The following SPARC variants were observed in gnomAD, a reference collection of about 807,000 sequenced individuals.
SPARC encodes secreted protein acidic and cysteine rich.
A neutral mutation model predicts 37.7 loss-of-function variants in SPARC; 23 were observed. The observed-to-expected ratio is 0.61, with a 90% CI of 0.44 to 0.87. The LOEUF (loss-of-function observed/expected upper bound fraction) is 0.87. Among genes scored for constraint, SPARC ranks in the 40% least tolerant of loss-of-function variants. The pLI, the probability that SPARC is intolerant of heterozygous loss-of-function variation, is 0.00. For synonymous variants in SPARC, 155 were observed against 150.8 expected (o/e 1.03, Z -0.20); for missense variants, 312 against 389.0 (o/e 0.80, Z 1.66).
chr5:151,668,237 C>T (rs1267778347), intron 6 of SPARC, among the ~76,000 whole-genome samples: 2 of 151,518 alleles, frequency 1.3e-5, no homozygotes, highest in Non-Finnish European at 2.9e-5. Context: ...ACTGCAGCCT[C>T]AGCCTCCTGG....
intron 7 of SPARC, 142 bp downstream of exon 7, chr5:151,667,325 G>A (rs1760645206): frequency 3.4e-6 from 3 of 882,408 alleles, no homozygotes; most frequent in Non-Finnish European, 3.6e-6. Context: ...TCCAAAGGCA[G>A]GAAGAGAAGT....
intron 3 of SPARC, among the ~76,000 whole-genome samples, chr5:151,673,576 A>G (rs1229586597): frequency 6.6e-6 from 1 of 152,162 alleles, no homozygotes; most frequent in Non-Finnish European, 1.5e-5. Flanking sequence ...CCTCTCCCCT[A>G]TTGTTTATGT....
chr5:151,667,484 C>T lies in SPARC; in HGVS notation c.568G>A (p.Glu190Lys). Reference protein sequence around the residue: ...ERDEDNNLLTEKQKLRVKKIH... With the variant: ...ERDEDNNLLTKKQKLRVKKIH... Reference sequence around the variant, plus strand: ...CCACTTACCCGCAGCTTCTGCTTCTCAGTCAGAAGGTTGTTGTCCTCATCC... The same window carrying T: ...CCACTTACCCGCAGCTTCTGCTTCTTAGTCAGAAGGTTGTTGTCCTCATCC... The change falls in exon 7 of 10, where the codon GAG becomes AAG. Residue 190 changes from glutamate (E) to lysine (K), a missense_variant. Transcript: ENST00000231061. 6.2e-7 allele frequency: 1 copy of T among 1,614,234 alleles called. No individual in the cohort carries two copies. Among genetic ancestry groups the T allele is most frequent in the Non-Finnish European group, 8.5e-7 (1 of 1,180,030 alleles).
chr5:151,684,383 T>A (rs1761079477), intron 1 of SPARC, among the ~76,000 whole-genome samples: 1 of 151,898 alleles, frequency 6.6e-6, no homozygotes, highest in South Asian at 2.1e-4. Flanking sequence ...GAAGTGTCTT[T>A]CCCAATGTCA....
At chr5:151,666,035 A>G (rs1181651831) in intron 8 of SPARC, among the ~76,000 whole-genome samples, 1 of 152,108 alleles carries the variant, frequency 6.6e-6, no homozygotes, top group Non-Finnish European at 1.5e-5. Flanking sequence ...GGCTGACCCA[A>G]CCTTGTCCCC....
chr5:151,667,164 T>C (rs575360053), intron 7 of SPARC, among the ~76,000 whole-genome samples: 1 of 152,338 alleles, frequency 6.6e-6, no homozygotes, highest in African/African-American at 2.4e-5. Context: ...GTAGTTAATA[T>C]GCTCATTAAA....
chr5:151,666,298 C>G, intron 8 of SPARC, 63 bp downstream of exon 8: 2 of 1,545,400 alleles, frequency 1.3e-6, no homozygotes, highest in Non-Finnish European at 8.8e-7. Context: ...GAGAGGCTTT[C>G]TGGCCATAGC....
intron 8 of SPARC, among the ~76,000 whole-genome samples, chr5:151,665,701 C>A (rs1290665314): frequency 6.6e-6 from 1 of 152,222 alleles, no homozygotes; most frequent in African/African-American, 2.4e-5. Flanking sequence ...GAGTATAAGT[C>A]CATGAGGGCA....
chr5:151,686,265 G>A (rs1761136740), intron 1 of SPARC: 1 of 152,266 alleles, frequency 6.6e-6, no homozygotes, highest in African/African-American at 2.4e-5. Context: ...GAATGGTGCT[G>A]AAATTTGTGT....
At position 151,664,144 on chromosome 5, in the gene SPARC, C is replaced by T. The variant is rs755900429; in HGVS notation, c.826G>A (p.Asp276Asn). Residue 276 changes from aspartate (D) to asparagine (N), a missense_variant, in exon 9 of 10, where the codon GAC (aspartate) becomes AAC (asparagine). Transcript: ENST00000231061. ...TTRFFETCDL[D>N]NDKYIALDEW... Reference sequence around the variant, plus strand: ...TCCAGGGCGATGTACTTGTCATTGTCCAGGTCACAGGTCTCGAAAAAGCGG... The same window carrying T: ...TCCAGGGCGATGTACTTGTCATTGTTCAGGTCACAGGTCTCGAAAAAGCGG... 21 of 1,614,086 alleles carry T rather than the reference C, an allele frequency of 1.3e-5. No homozygotes were observed. The Admixed American group carries it at 3.0e-4, about 23-fold the overall frequency.
chr5:151,673,270 A>T, intron 3 of SPARC, 54 bp from the exon 4 acceptor site: 1 of 1,247,616 alleles, frequency 8.0e-7, no homozygotes, highest in Non-Finnish European at 1.2e-6. Context: ...TCCCAGACCC[A>T]TAAGGGTAGC....
chr5:151,673,704 C>T (rs941114637), intron 3 of SPARC, among the ~76,000 whole-genome samples: 2 of 152,220 alleles, frequency 1.3e-5, no homozygotes, highest in Non-Finnish European at 2.9e-5. Context: ...GCCCTCACTT[C>T]TCAAGTTGTC....
intron 1 of SPARC, chr5:151,679,152 T>C (rs1760926656): frequency 6.6e-6 from 1 of 152,188 alleles, no homozygotes; most frequent in African/African-American, 2.4e-5. Context: ...AAATGACCAA[T>C]ATTAAACAAA....
At chr5:151,667,865 C>G (rs1468396557) in intron 6 of SPARC, among the ~76,000 whole-genome samples, 2 of 152,248 alleles carry the variant, frequency 1.3e-5, no homozygotes, top group Non-Finnish European at 2.9e-5. Context: ...GCTCCTGCAC[C>G]TTACTGGGTG....
At chr5:151,681,855 T>C (rs1474176790) in intron 1 of SPARC, among the ~76,000 whole-genome samples, 3 of 152,162 alleles carry the variant, frequency 2.0e-5, no homozygotes, top group Non-Finnish European at 4.4e-5. Flanking sequence ...ATTGTGCCAT[T>C]GCACTCTCGC....
chr5:151,669,748 AG>A lies in SPARC; in HGVS notation c.366del (p.Cys123AlafsTer38). 6.2e-7 allele frequency: 1 copy of A among 1,614,248 alleles called. No homozygotes were observed. Among genetic ancestry groups the A allele is most frequent in the Non-Finnish European group, 8.5e-7 (1 of 1,180,046 alleles). ...CSNDNKTFDSSCHFFATKCTL... is the reference protein window; with the variant it reads ...CSNDNKTFDSXCHFFATKCTL... ...GTGCACTTTGTGGCAAAGAAGTGGC[AG>A]GAAGAGTCGAAGGTCTTGTTGTCAT... is the stretch of plus-strand genomic sequence containing the variant. On this transcript the variant is annotated frameshift_variant, in exon 6 of 10. Coordinates refer to ENST00000231061, the MANE Select transcript of SPARC (RefSeq NM_003118.4). LOFTEE classifies it high-confidence loss of function.
chr5:151,668,309 T>C (rs1449694475), intron 6 of SPARC, among the ~76,000 whole-genome samples: 1 of 152,002 alleles, frequency 6.6e-6, no homozygotes, highest in African/African-American at 2.4e-5. Context: ...CATGCCACCA[T>C]ACCCAGCTAA....
At chr5:151,665,303 G>T (rs1760597079) in intron 8 of SPARC, among the ~76,000 whole-genome samples, 1 of 152,098 alleles carries the variant, frequency 6.6e-6, no homozygotes, top group South Asian at 2.1e-4. Context: ...AGCTCCAGAT[G>T]TTCCCCTTTG....
At chr5:151,677,906 G>T (rs1207295670) in intron 1 of SPARC, among the ~76,000 whole-genome samples, 2 of 152,198 alleles carry the variant, frequency 1.3e-5, no homozygotes, top group Non-Finnish European at 2.9e-5. Context: ...GAGGAGTCTA[G>T]TCTTCCCTTT....
Sources: allele counts gnomAD v4.1 joint callset (sites outside exome capture counted in the v4.1 genomes callset), GRCh38; gene constraint gnomAD v4.1.1; transcripts MANE v1.5; gene names NCBI Gene and HGNC (gene_info 2026-07-23, HGNC 2026-07-21).